The following NCALD variants were observed in gnomAD, a reference collection of about 807,000 sequenced individuals.
The protein encoded by NCALD is neurocalcin-delta.
Under a neutral mutation model 18.6 loss-of-function variants are expected in NCALD, and 10 were observed. That is an observed-to-expected ratio of 0.54 (90% CI 0.33 to 0.91). The LOEUF is 0.91. Among genes scored for constraint, NCALD ranks in the 40% least tolerant of loss-of-function variants. NCALD has a pLI of 0.03. For synonymous variants in NCALD, 88 were observed against 87.4 expected (o/e 1.01, Z -0.04); for missense variants, 184 against 247.6 (o/e 0.74, Z 1.72).
chr8:101,836,828 T>C (rs1480583729), intron 4 of NCALD, among the ~76,000 whole-genome samples: 1 of 152,150 alleles, frequency 6.6e-6, no homozygotes, highest in Admixed American at 6.5e-5. Context: ...TTTGTGATTG[T>C]CAGAAAGACT....
chr8:101,877,770 A>G (rs1230406001), intron 4 of NCALD, among the ~76,000 whole-genome samples: 2 of 152,154 alleles, frequency 1.3e-5, no homozygotes, highest in African/African-American at 2.4e-5. Context: ...CAATGATTAA[A>G]TAAGTTGATA....
chr8:102,119,099 G>T (rs554426365), intron 1 of NCALD, among the ~76,000 whole-genome samples: 2 of 152,246 alleles, frequency 1.3e-5, no homozygotes, highest in South Asian at 4.2e-4. Flanking sequence ...TGAAAACAGG[G>T]AGTTGAACAT....
chr8:101,908,913 G>A (rs1382640915), intron 3 of NCALD, among the ~76,000 whole-genome samples: 1 of 152,138 alleles, frequency 6.6e-6, no homozygotes, highest in East Asian at 1.9e-4. Flanking sequence ...AGTCACTTGT[G>A]CTAAGTGCCA....
chr8:101,934,262 C>G (rs976627273), intron 2 of NCALD, among the ~76,000 whole-genome samples: 5 of 152,256 alleles, frequency 3.3e-5, no homozygotes, highest in South Asian at 2.1e-4. Flanking sequence ...ACAGAGGAGA[C>G]AGTCCAACCT....
chr8:101,715,951 A>G (rs888962320), intron 2 of NCALD, among the ~76,000 whole-genome samples: 1 of 152,260 alleles, frequency 6.6e-6, no homozygotes, highest in Non-Finnish European at 1.5e-5. Context: ...CATTTGACCC[A>G]GCAATCCCAT....
At chr8:101,883,355 G>C (rs746044398) in intron 4 of NCALD, among the ~76,000 whole-genome samples, 1 of 151,916 alleles carries the variant, frequency 6.6e-6, no homozygotes, top group African/African-American at 2.4e-5. Context: ...AACAAATAAA[G>C]AAAATAAAAC....
intron 4 of NCALD, among the ~76,000 whole-genome samples, chr8:101,842,851 C>T (rs1241157101): frequency 6.6e-6 from 1 of 152,024 alleles, no homozygotes; most frequent in Non-Finnish European, 1.5e-5. Context: ...TGGATGAGCC[C>T]ATCAACCATG....
intron 3 of NCALD, among the ~76,000 whole-genome samples, chr8:101,913,473 C>A (rs1199368479): frequency 6.6e-6 from 1 of 152,170 alleles, no homozygotes; most frequent in African/African-American, 2.4e-5. Flanking sequence ...TTCAAAATAT[C>A]AAAATTCTTT....
intron 2 of NCALD, among the ~76,000 whole-genome samples, chr8:102,015,855 A>G (rs921196799): frequency 1.3e-5 from 2 of 152,178 alleles, no homozygotes; most frequent in African/African-American, 4.8e-5. Context: ...GTATGACAGT[A>G]TCCCTGGGAG....
chr8:101,858,865 C>G (rs1288356093), intron 4 of NCALD, among the ~76,000 whole-genome samples: 1 of 151,900 alleles, frequency 6.6e-6, no homozygotes, highest in African/African-American at 2.4e-5. Flanking sequence ...AGAACAATCT[C>G]CAAAGAAAAA....
At chr8:102,066,838 C>A (rs1824025147) in intron 1 of NCALD, among the ~76,000 whole-genome samples, 1 of 152,198 alleles carries the variant, frequency 6.6e-6, no homozygotes, top group South Asian at 2.1e-4. Context: ...GTGTGCACAG[C>A]CCCACTCATG....
At chr8:101,952,800 G>T (rs1053680089) in intron 2 of NCALD, among the ~76,000 whole-genome samples, 16 of 152,206 alleles carry the variant, frequency 1.1e-4, no homozygotes, top group Admixed American at 9.8e-4. Flanking sequence ...GGTGCTAAGG[G>T]AGCACAGGAG....
At chr8:101,787,840 G>A (rs1385015524) in intron 1 of NCALD, among the ~76,000 whole-genome samples, 3 of 152,130 alleles carry the variant, frequency 2.0e-5, no homozygotes, top group Admixed American at 1.3e-4. Context: ...CAATTCACAC[G>A]TGTATGTGCT....
intron 1 of NCALD, among the ~76,000 whole-genome samples, chr8:102,106,262 G>GA (rs1453588123): frequency 6.6e-6 from 1 of 151,338 alleles, no homozygotes; most frequent in Non-Finnish European, 1.5e-5. Flanking sequence ...TAGTAGGGGG[G>GA]GTGGTTTCAC....
rs185600600 is a variant in NCALD, at chr8:101,980,335, A to G, written c.-157+39902T>C. ...CGTTTTACTGAAGGGGGAGGCATGC[A>G]CAGTGCAAACCTTTTTTAGCCCCCA... On this transcript the variant is annotated intron_variant, in intron 2 of 6. Coordinates refer to the NCALD transcript ENST00000311028. Among the ~76,000 whole-genome samples the G allele has an allele frequency of 3.3e-5, 5 of 152,348 alleles. No individual in the cohort carries two copies. The East Asian group carries it at 9.6e-4, about 29-fold the overall frequency.
chr8:101,730,402 T>C (rs7828736), intron 1 of NCALD, among the ~76,000 whole-genome samples: 65,597 of 148,402 alleles, frequency 0.44, 17,425 homozygotes, highest in African/African-American at 0.73. Context: ...ATCACTTGAA[T>C]CTGGGAGGTG....
chr8:101,998,885 C>A (rs775420064), intron 2 of NCALD, among the ~76,000 whole-genome samples: 3 of 152,078 alleles, frequency 2.0e-5, no homozygotes, highest in Non-Finnish European at 4.4e-5. Flanking sequence ...ACACAAAAGA[C>A]CTATACCTAT....
chr8:101,989,342 A>G (rs1193919172), intron 2 of NCALD, among the ~76,000 whole-genome samples: 1 of 152,216 alleles, frequency 6.6e-6, no homozygotes, highest in Non-Finnish European at 1.5e-5. Flanking sequence ...CAGAGCCACA[A>G]AATTGTTTCT....
chr8:101,831,118 G>C (rs562022257), intron 4 of NCALD, among the ~76,000 whole-genome samples: 1 of 152,202 alleles, frequency 6.6e-6, no homozygotes, highest in African/African-American at 2.4e-5. Flanking sequence ...TATTAGTAAA[G>C]TTTAATTTCT....
Sources: allele counts gnomAD v4.1 joint callset (sites outside exome capture counted in the v4.1 genomes callset), GRCh38; gene constraint gnomAD v4.1.1; transcripts MANE v1.5; gene names NCBI Gene and HGNC (gene_info 2026-07-23, HGNC 2026-07-21).